Variants in LCMT1 observed in about 807,000 individuals in gnomAD.
The protein encoded by LCMT1 is [Phosphatase 2A protein]-leucine-carboxy methyltransferase 1.
In LCMT1, 32 loss-of-function variants were observed where a neutral mutation model predicts 47.7. The observed-to-expected ratio is 0.67, with a 90% CI of 0.51 to 0.90. The LOEUF is 0.90. Among genes scored for constraint, LCMT1 ranks in the 40% least tolerant of loss-of-function variants. The pLI, the probability that LCMT1 is intolerant of heterozygous loss-of-function variation, is 0.00. For missense variants in LCMT1, 375 were observed against 415.2 expected (o/e 0.90, Z 0.84); for synonymous variants, 152 against 149.7 (o/e 1.02, Z -0.11).
At chr16:25,164,802 C>T in intron 7 of LCMT1, 84 bp downstream of exon 7, 2 of 1,555,802 alleles carry the variant, frequency 1.3e-6, no homozygotes, top group Admixed American at 1.7e-5. Context: ...GATAACTTCC[C>T]TTATCCTTTT....
chr16:25,147,159 C>A (rs144541033), intron 4 of LCMT1: 1 of 152,332 alleles, frequency 6.6e-6, no homozygotes, highest in East Asian at 1.9e-4. Flanking sequence ...TCTAAACTTA[C>A]CAGGATCCTC....
intron 4 of LCMT1, chr16:25,142,641 G>A (rs931767586): frequency 4.6e-5 from 7 of 152,122 alleles, no homozygotes; most frequent in African/African-American, 1.7e-4. Flanking sequence ...TGCCCTGATG[G>A]GGAGGAGTAG....
At chr16:25,132,106 C>A in intron 2 of LCMT1, 1 of 450,566 alleles carries the variant, frequency 2.2e-6, no homozygotes, top group Non-Finnish European at 4.3e-6. Flanking sequence ...CCAAGATGGA[C>A]TTTAGACGTT....
At chr16:25,128,095 C>G (rs1385319284) in intron 1 of LCMT1, among the ~76,000 whole-genome samples, 1 of 152,168 alleles carries the variant, frequency 6.6e-6, no homozygotes, top group Non-Finnish European at 1.5e-5. Flanking sequence ...TGGGCACAGG[C>G]TTTTTCATTT....
intron 1 of LCMT1, among the ~76,000 whole-genome samples, chr16:25,124,244 C>T (rs1188676539): frequency 6.6e-6 from 1 of 152,112 alleles, no homozygotes; most frequent in Non-Finnish European, 1.5e-5. Flanking sequence ...ACATGTTTTT[C>T]AGAATGTATC....
chr16:25,151,562 C>T lies in LCMT1; in HGVS notation c.413C>T (p.Pro138Leu), dbSNP rs1961080761. 6.2e-7 allele frequency: 1 copy of T among 1,613,068 alleles called. No individual in the cohort carries two copies. The highest frequency in any genetic ancestry group is 1.1e-5 in the South Asian group (1 of 90,878). ...TRKLHSIKCK[P>L]PLSSPILELH... ...TTCCCATCTTCCCATAGATGCAAGCCTCCCCTATCCAGCCCCATTCTAGAA... is the reference window on the plus strand; with the variant it reads ...TTCCCATCTTCCCATAGATGCAAGCTTCCCCTATCCAGCCCCATTCTAGAA... Residue 138 changes from proline (P) to leucine (L), a missense_variant, in exon 5 of 11, where the codon CCT (proline) becomes CTT (leucine). Coordinates refer to ENST00000399069, the MANE Select transcript of LCMT1 (RefSeq NM_016309.3).
intron 4 of LCMT1, chr16:25,143,209 A>G (rs990665479): frequency 6.6e-6 from 1 of 152,184 alleles, no homozygotes; most frequent in African/African-American, 2.4e-5. Flanking sequence ...TGGTGAGGAA[A>G]GGCCTCTGGT....
intron 7 of LCMT1, among the ~76,000 whole-genome samples, chr16:25,165,398 A>G (rs148379708): frequency 6.6e-6 from 1 of 152,224 alleles, no homozygotes; most frequent in African/African-American, 2.4e-5. Flanking sequence ...CAGCTATGTG[A>G]ACTTAGGCAG....
At chr16:25,121,733 T>C (rs1959996409) in intron 1 of LCMT1, among the ~76,000 whole-genome samples, 1 of 152,164 alleles carries the variant, frequency 6.6e-6, no homozygotes, top group African/African-American at 2.4e-5. Flanking sequence ...TCAGATCTCA[T>C]GACATGAGAA....
chr16:25,175,610 CAAG>C (rs747477555), intron 10 of LCMT1, among the ~76,000 whole-genome samples: 15 of 151,968 alleles, frequency 9.9e-5, no homozygotes, highest in Non-Finnish European at 2.9e-5. Flanking sequence ...CCAGCCCGGG[CAAG>C]AAGAGCGAAA....
rs1217573664 is a variant in LCMT1 at position 25,175,113 on chromosome 16, G to GT, written c.982+85dup. 4.8e-5 allele frequency: 37 copies of GT among 767,624 alleles called. No individual in the cohort carries two copies. In the South Asian group the frequency reaches 5.8e-4, roughly 12 times the overall value. The allele number at this position is 767,624 out of a possible 1,614,324, so 47.6% of individuals were successfully genotyped here. On this transcript the variant is annotated intron_variant, in intron 10 of 10. Coordinates refer to ENST00000399069, the MANE Select transcript of LCMT1 (RefSeq NM_016309.3). The stretch of plus-strand genomic sequence containing the variant: ...TCCTATTCTTTCCCTTTCTCTTTCT[G>GT]TTTTTTGTCTTCCCTCTTTCTCTCT...
intron 9 of LCMT1, among the ~76,000 whole-genome samples, chr16:25,172,504 G>A (rs546083639): frequency 6.6e-6 from 1 of 152,316 alleles, no homozygotes; most frequent in South Asian, 2.1e-4. Context: ...TGTGTACAGC[G>A]CTAGTGCGCA....
chr16:25,128,945 T>A (rs1303281115), intron 2 of LCMT1, among the ~76,000 whole-genome samples: 1 of 141,574 alleles, frequency 7.1e-6, no homozygotes, highest in Non-Finnish European at 1.5e-5. Context: ...TTAGGATAAA[T>A]ACCTAGTGCA....
intron 1 of LCMT1, among the ~76,000 whole-genome samples, chr16:25,112,516 G>T (rs113264026): frequency 6.6e-6 from 1 of 152,216 alleles, no homozygotes; most frequent in African/African-American, 2.4e-5. Context: ...GTGGTGGTGG[G>T]GATGGGGGCG....
intron 5 of LCMT1, among the ~76,000 whole-genome samples, chr16:25,155,331 A>G (rs931993953): frequency 6.6e-6 from 1 of 152,128 alleles, no homozygotes; most frequent in Non-Finnish European, 1.5e-5. Flanking sequence ...AGTGCTTCAC[A>G]AGGCTGAGGT....
At chr16:25,175,607 G>A (rs376673637) in intron 10 of LCMT1, among the ~76,000 whole-genome samples, 3 of 152,142 alleles carry the variant, frequency 2.0e-5, no homozygotes, top group African/African-American at 2.4e-5. Flanking sequence ...ACTCCAGCCC[G>A]GGCAAGAAGA....
intron 4 of LCMT1, chr16:25,144,436 C>T (rs1022996416): frequency 1.3e-5 from 2 of 152,310 alleles, no homozygotes; most frequent in African/African-American, 2.4e-5. Context: ...GGATATCATT[C>T]CGTCTTTGCA....
At chr16:25,129,300 A>G in intron 2 of LCMT1, among the ~76,000 whole-genome samples, 1 of 152,112 alleles carries the variant, frequency 6.6e-6, no homozygotes, top group Non-Finnish European at 1.5e-5. Context: ...AGAGTAAAAA[A>G]GAAAAAAAAA....
chr16:25,165,925 A>G (rs755365226), intron 7 of LCMT1, among the ~76,000 whole-genome samples: 1 of 152,090 alleles, frequency 6.6e-6, no homozygotes, highest in African/African-American at 2.4e-5. Flanking sequence ...GTGTTGCCCA[A>G]CTGTAAGTAA....
Sources: gnomAD v4.1 joint callset for allele counts (sites outside exome capture counted in the v4.1 genomes callset) on GRCh38, gnomAD v4.1.1 for gene constraint, MANE v1.5 for transcripts, NCBI Gene and HGNC (gene_info 2026-07-23, HGNC 2026-07-21) for gene names.